The following SEC31B variants were observed in gnomAD, a reference collection of about 807,000 sequenced individuals.
SEC31B encodes SEC31 homolog B, COPII component.
In SEC31B, 113 loss-of-function variants were observed where a neutral mutation model predicts 135.0. The observed-to-expected ratio is 0.84, with a 90% CI of 0.72 to 0.98. The LOEUF is 0.98. Among genes scored for constraint, SEC31B ranks in the 50% least tolerant of loss-of-function variants. The pLI, the probability that SEC31B is intolerant of heterozygous loss-of-function variation, is 0.00. For missense variants in SEC31B, 1,296 were observed against 1,421.1 expected, an observed-to-expected ratio of 0.91 and a Z score of 1.42; for synonymous variants, 508 against 549.4, an observed-to-expected ratio of 0.92 and a Z score of 1.05.
intron 10 of SEC31B, among the ~76,000 whole-genome samples, chr10:100,504,799 C>G (rs1489436982): frequency 6.6e-6 from 1 of 151,582 alleles, no homozygotes; most frequent in Non-Finnish European, 1.5e-5. Context: ...TCAATGGGCC[C>G]AGGAGAGAAG....
At chr10:100,499,467 C>T in intron 12 of SEC31B, 57 bp downstream of exon 12, 1 of 1,426,180 alleles carries the variant, frequency 7.0e-7, no homozygotes, top group Non-Finnish European at 9.8e-7. Flanking sequence ...TTTACTCTGG[C>T]AACATTCTCT....
chr10:100,506,133 T>G lies in SEC31B; in HGVS notation c.951A>C (p.Ser317=). Residue 317 remains serine, a synonymous_variant, in exon 9 of 26, where the codon TCA becomes TCC. Transcript: ENST00000370345. ...FDVQWCPRDP[S]VFSAASFNGW... ...CGTTGAAGGAGGCAGCAGAGAACACTGAAGGGTCCCGAGGGCACCACTGCA... is the reference window on the plus strand; with the variant it reads ...CGTTGAAGGAGGCAGCAGAGAACACGGAAGGGTCCCGAGGGCACCACTGCA... 2 of 1,614,224 alleles carry G rather than the reference T, an allele frequency of 1.2e-6. No homozygotes were observed. The highest frequency in any genetic ancestry group is 1.7e-6 in the Non-Finnish European group (2 of 1,180,034).
intron 24 of SEC31B, 70 bp downstream of exon 24, chr10:100,488,788 T>C: frequency 6.7e-7 from 1 of 1,501,668 alleles, no homozygotes; most frequent in Non-Finnish European, 8.9e-7. Flanking sequence ...AAGGAACTGG[T>C]CCACAGCTGA....
chr10:100,512,409 T>C lies in SEC31B; in HGVS notation c.204-2898A>G, dbSNP rs1851752782. 1.3e-5 allele frequency among the ~76,000 whole-genome samples: 2 copies of C among 152,220 alleles called. 1 individual carries two copies. Among genetic ancestry groups the C allele is most frequent in the South Asian group, 4.1e-4 (2 of 4,830 alleles). On this transcript the variant is annotated intron_variant, in intron 3 of 25. Coordinates refer to ENST00000370345, the MANE Select transcript of SEC31B (RefSeq NM_015490.4). ...CCTTTCTTTTTGAGTGAAATTCATCTAACAAACCCAACACTGTTTGCTTCA... is the reference window on the plus strand; with the variant it reads ...CCTTTCTTTTTGAGTGAAATTCATCCAACAAACCCAACACTGTTTGCTTCA...
chr10:100,497,202 C>G lies in SEC31B; in HGVS notation c.2069G>C (p.Gly690Ala), dbSNP rs774848905. 1.2e-6 allele frequency: 2 copies of G among 1,614,124 alleles called. No homozygotes were observed. Among genetic ancestry groups the G allele is most frequent in the Admixed American group, 1.7e-5 (1 of 60,014 alleles). The change falls in exon 17 of 26, where the codon GGG becomes GCG. Residue 690 changes from glycine (G) to alanine (A), a missense_variant. Gly to Ala is a moderately conservative substitution (Grantham distance 60). Coordinates refer to ENST00000370345, the MANE Select transcript of SEC31B (RefSeq NM_015490.4). ...SEARLCYVCS[G>A]SVERLVECWA... The stretch of plus-strand genomic sequence containing the variant: ...GCACTCCACCAGCCGCTCCACACTC[C>G]CTGAGCACACATAACAGAGTCTGGC...
At chr10:100,487,933 T>C in intron 25 of SEC31B, 94 bp downstream of exon 25, 1 of 1,516,364 alleles carries the variant, frequency 6.6e-7, no homozygotes, top group Non-Finnish European at 9.1e-7. Flanking sequence ...CCCAGGTCAG[T>C]GACACCTATG....
chr10:100,488,414 G>A (rs566855797), intron 24 of SEC31B, among the ~76,000 whole-genome samples: 50 of 146,298 alleles, frequency 3.4e-4, no homozygotes, highest in Admixed American at 7.6e-4. Flanking sequence ...AGCCGAGATC[G>A]CGCCACTGCA....
rs767189367 is a variant in SEC31B, at chr10:100,489,289, TGACTCACACTGGAGACA to T, written c.3117_3133del (p.Val1040CysfsTer19). 5.6e-6 allele frequency: 9 copies of T among 1,612,454 alleles called. No individual in the cohort carries two copies. The East Asian group carries it at 1.8e-4, about 32-fold the overall frequency. ...TTCTCCTGGAACTCCTGGGGGAGCA[TGACTCACACTGGAGACA>T]GGGGGCTGTGAGGGAAGAATCCCTT... On this transcript the variant is annotated frameshift_variant, in exon 23 of 26. Transcript: ENST00000370345. LOFTEE classifies it high-confidence loss of function.
In SEC31B at chr10:100,495,534, G is replaced by C. The variant is rs1310606382; in HGVS notation, c.2323C>G (p.Gln775Glu). 2 of 1,613,220 alleles carry C rather than the reference G, an allele frequency of 1.2e-6. No homozygotes were observed. Among genetic ancestry groups the C allele is most frequent in the Non-Finnish European group, 1.7e-6 (2 of 1,179,738 alleles). Residue 775 changes from glutamine (Q) to glutamate (E), a missense_variant, in exon 19 of 26, where the codon CAG (glutamine) becomes GAG (glutamate). By Grantham distance (29) the Gln-to-Glu change is conservative (BLOSUM62 2). Coordinates refer to ENST00000370345, the MANE Select transcript of SEC31B (RefSeq NM_015490.4). The stretch of plus-strand genomic sequence containing the variant: ...GCATGAAAAAGCCGATCTCTTAGCT[G>C]CTGAACTGGTGGCTATAAGTTTTAA... ...PRDCAQPPVQ[Q>E]LRDRLFHAQG...
intron 3 of SEC31B, among the ~76,000 whole-genome samples, chr10:100,514,516 G>C (rs895338654): frequency 4.0e-5 from 6 of 151,354 alleles, no homozygotes; most frequent in African/African-American, 1.5e-4. Context: ...TCAAGTGCCT[G>C]CTCTTCAAAG....
At chr10:100,496,511 T>G in intron 17 of SEC31B, 80 bp from the exon 18 acceptor site, 1 of 1,461,618 alleles carries the variant, frequency 6.8e-7, no homozygotes, top group Admixed American at 1.8e-5. Context: ...CATTCAGGGA[T>G]CTCCCACTAT....
chr10:100,510,049 G>A (rs184720380), intron 3 of SEC31B, among the ~76,000 whole-genome samples: 313 of 152,326 alleles, frequency 2.1e-3, no homozygotes, highest in Middle Eastern at 0.017. Flanking sequence ...TATACACAGA[G>A]GTAGTAATTT....
rs562748992 is a variant in SEC31B, at chr10:100,507,789, C to T, written c.639+119G>A. Reference sequence around the variant, plus strand: ...TCTCAATAGGAAATGTGCTAAGCGGCTGACTCCACATGTCCGACAGCTGAA... The same window carrying T: ...TCTCAATAGGAAATGTGCTAAGCGGTTGACTCCACATGTCCGACAGCTGAA... On this transcript the variant is annotated intron_variant, in intron 6 of 25. Coordinates refer to ENST00000370345, the MANE Select transcript of SEC31B (RefSeq NM_015490.4). 51 of 1,429,746 alleles carry T rather than the reference C, an allele frequency of 3.6e-5. No homozygotes were observed. The African/African-American group carries it at 6.7e-4, about 19-fold the overall frequency. 88.6% of individuals were successfully genotyped at this position (1,429,746 alleles called of 1,614,324 possible).
intron 3 of SEC31B, among the ~76,000 whole-genome samples, chr10:100,514,625 A>T (rs866921472): frequency 1.3e-5 from 2 of 152,096 alleles, no homozygotes; most frequent in African/African-American, 4.8e-5. Flanking sequence ...GAAAGGGAAA[A>T]CGACAACTAA....
chr10:100,495,798 A>C (rs1169477447), intron 18 of SEC31B, among the ~76,000 whole-genome samples: 2 of 152,186 alleles, frequency 1.3e-5, no homozygotes, highest in Non-Finnish European at 2.9e-5. Context: ...CCAGAAACAG[A>C]AACTAAGCAC....
Position 100,498,128 on chromosome 10 carries a change from G to C in SEC31B, c.1764C>G (p.Arg588=). Residue 588 remains arginine, a synonymous_variant, in exon 15 of 26, where the codon CGC becomes CGG. Coordinates refer to ENST00000370345, the MANE Select transcript of SEC31B (RefSeq NM_015490.4). ...PAVELCLKEE[R]FADAIILAQA... ...GGGCCAGGATAATGGCATCAGCAAA[G>C]CGCTCCTCCTTCAGACACAGCTCCA... The C allele has an allele frequency of 6.2e-7, 1 of 1,614,156 alleles. No homozygotes were observed.
At position 100,490,114 on chromosome 10, in the gene SEC31B, G is replaced by A. The variant is rs750896050; in HGVS notation, c.2859C>T (p.His953=). The change falls in exon 21 of 26, where the codon CAC becomes CAT. Residue 953 remains histidine (H), a synonymous_variant. Coordinates refer to ENST00000370345, the MANE Select transcript of SEC31B (RefSeq NM_015490.4). ...RPLGPGRMVS[H]TPAPPASFPV... is the part of the protein sequence containing the mutation. Reference sequence around the variant, plus strand: ...GGAAGCTTGCAGGAGGGGCTGGGGTGTGGGAGACCATGCGGCCGGGACCTA... The same window carrying A: ...GGAAGCTTGCAGGAGGGGCTGGGGTATGGGAGACCATGCGGCCGGGACCTA... The A allele has an allele frequency of 1.3e-6, 2 of 1,588,964 alleles. No individual in the cohort carries two copies. The highest frequency in any genetic ancestry group is 1.3e-5 in the African/African-American group (1 of 74,404).
chr10:100,496,074 T>C (rs1253415350), intron 18 of SEC31B, among the ~76,000 whole-genome samples, 184 bp downstream of exon 18: 2 of 152,226 alleles, frequency 1.3e-5, no homozygotes, highest in Non-Finnish European at 2.9e-5. Flanking sequence ...TATAAGCTTC[T>C]GTTATGGCAC....
At chr10:100,517,187 A>G (rs1851867034) in intron 1 of SEC31B, 190 bp from the exon 2 acceptor site, 3 of 553,948 alleles carry the variant, frequency 5.4e-6, no homozygotes, top group South Asian at 2.1e-5. Flanking sequence ...TTAAACCTCA[A>G]ATGATACTCA....
Sources: gnomAD v4.1 joint callset for allele counts (sites outside exome capture counted in the v4.1 genomes callset) on GRCh38, gnomAD v4.1.1 for gene constraint, MANE v1.5 for transcripts, NCBI Gene and HGNC (gene_info 2026-07-23, HGNC 2026-07-21) for gene names.